The following ALPK1 variants were observed in gnomAD, a reference collection of about 807,000 sequenced individuals.
The protein encoded by ALPK1 is alpha kinase 1.
A neutral mutation model predicts 120.6 loss-of-function variants in ALPK1; 110 were observed. That is an observed-to-expected ratio of 0.91 (90% CI 0.78 to 1.07). ALPK1 has a LOEUF of 1.07. Ranked by LOEUF, ALPK1 falls within the 50% of genes least tolerant of loss-of-function variation. The pLI is 0.00. For missense variants in ALPK1, 1,498 were observed against 1,483.9 expected (o/e 1.01, Z -0.16); for synonymous variants, 582 against 560.3 (o/e 1.04, Z -0.55).
At chr4:112,329,275 G>A (rs1341994924) in intron 2 of ALPK1, among the ~76,000 whole-genome samples, 3 of 152,148 alleles carry the variant, frequency 2.0e-5, no homozygotes, top group Non-Finnish European at 4.4e-5. Flanking sequence ...CTAAACAATA[G>A]AAAAAGAGAA....
At chr4:112,336,018 C>A (rs1205356963) in intron 2 of ALPK1, among the ~76,000 whole-genome samples, 1 of 152,096 alleles carries the variant, frequency 6.6e-6, no homozygotes, top group African/African-American at 2.4e-5. Flanking sequence ...AACCAACCAA[C>A]CAACCAATCC....
At chr4:112,389,389 C>T (rs111866479) in intron 4 of ALPK1, among the ~76,000 whole-genome samples, 3,236 of 152,276 alleles carry the variant, frequency 0.021, 46 homozygotes, top group Admixed American at 0.032. Context: ...TGGTCACAGC[C>T]ATGGCCAGGG....
At chr4:112,417,858 T>C (rs1733810803) in intron 5 of ALPK1, among the ~76,000 whole-genome samples, 1 of 152,222 alleles carries the variant, frequency 6.6e-6, no homozygotes, top group South Asian at 2.1e-4. Flanking sequence ...AAGTATGTGT[T>C]CACCTAAATA....
chr4:112,369,140 A>G (rs1731286883), intron 2 of ALPK1, among the ~76,000 whole-genome samples: 1 of 152,174 alleles, frequency 6.6e-6, no homozygotes, highest in African/African-American at 2.4e-5. Flanking sequence ...GGAGTGTTAG[A>G]TAGTCTTCCT....
At chr4:112,332,100 G>T (rs1261773275) in intron 2 of ALPK1, among the ~76,000 whole-genome samples, 2 of 152,106 alleles carry the variant, frequency 1.3e-5, no homozygotes, top group African/African-American at 2.4e-5. Flanking sequence ...ATCCTGATTT[G>T]CCACAGTCAC....
chr4:112,401,581 A>G (rs956725605), intron 4 of ALPK1, among the ~76,000 whole-genome samples: 4 of 152,038 alleles, frequency 2.6e-5, no homozygotes, highest in African/African-American at 9.7e-5. Flanking sequence ...GGAATCATCA[A>G]TGTGGATGCT....
chr4:112,362,085 C>T (rs938181935), intron 2 of ALPK1, among the ~76,000 whole-genome samples: 1 of 152,216 alleles, frequency 6.6e-6, no homozygotes, highest in Non-Finnish European at 1.5e-5. Context: ...AGAACCTGAA[C>T]AGCAGATCTG....
chr4:112,402,944 A>T (rs955711022), intron 4 of ALPK1, among the ~76,000 whole-genome samples: 2 of 152,154 alleles, frequency 1.3e-5, no homozygotes, highest in African/African-American at 4.8e-5. Flanking sequence ...AAACAAAAAG[A>T]ATCCTGAATC....
At position 112,427,711 on chromosome 4, in the gene ALPK1, C is replaced by T. The variant is rs752240064; in HGVS notation, c.795+46C>T. On this transcript the variant is annotated intron_variant, in intron 9 of 15. Transcript: ENST00000650871. ...TGGCATCACCTGTAAAATTGTCAAT[C>T]GTGTCCTTGGTGGTTGGTTAGTGGC... 16 of 1,412,126 alleles carry T rather than the reference C, an allele frequency of 1.1e-5. No individual in the cohort carries two copies. The Admixed American group carries it at 1.7e-4, about 15-fold the overall frequency. The allele number at this position is 1,412,126 out of a possible 1,614,324, so 87.5% of individuals were successfully genotyped here. A position where few individuals can be genotyped will look rare whatever the true frequency, so the allele number is the denominator to read the frequency against.
chr4:112,313,928 A>C (rs1728526218), intron 1 of ALPK1, among the ~76,000 whole-genome samples: 1 of 152,230 alleles, frequency 6.6e-6, no homozygotes. Context: ...ATAACTACTG[A>C]TGAAAGTGAG....
At chr4:112,379,550 C>G (rs1477968509) in intron 3 of ALPK1, among the ~76,000 whole-genome samples, 1 of 152,262 alleles carries the variant, frequency 6.6e-6, no homozygotes, top group African/African-American at 2.4e-5. Flanking sequence ...GGATCCCTTC[C>G]CTCGGCAGGT....
chr4:112,344,953 CTACTTTTTCGTATT>C (rs1730041541), intron 2 of ALPK1, among the ~76,000 whole-genome samples: 1 of 152,230 alleles, frequency 6.6e-6, no homozygotes, highest in Non-Finnish European at 1.5e-5. Flanking sequence ...ACTCACCAGA[CTACTTTTTCGTATT>C]TAAAAAATGT....
At chr4:112,423,707 A>T (rs1275378694) in intron 5 of ALPK1, 1 of 650,318 alleles carries the variant, frequency 1.5e-6, no homozygotes, top group Non-Finnish European at 2.8e-6. Context: ...CATACATATG[A>T]ATCTAATTTT....
rs931701656 is a variant in ALPK1 at position 112,432,005 on chromosome 4, T to A, written c.2458T>A (p.Ser820Thr). 2.5e-6 allele frequency: 4 copies of A among 1,613,978 alleles called. No homozygotes were observed. In the African/African-American group the frequency reaches 5.3e-5, roughly 22 times the overall value. ...LGNISMLPCS[S>T]FTPNWPVQNP... Reference sequence around the variant, plus strand: ...AAACATTTCCATGCTGCCATGTAGCTCCTTCACCCCTAATTGGCCTGTTCA... The same window carrying A: ...AAACATTTCCATGCTGCCATGTAGCACCTTCACCCCTAATTGGCCTGTTCA... The change falls in exon 11 of 16, where the codon TCC (serine) becomes ACC (threonine). Residue 820 changes from serine to threonine, a missense_variant. Ser to Thr is a moderately conservative substitution (Grantham distance 58). Coordinates refer to ENST00000650871, the MANE Select transcript of ALPK1 (RefSeq NM_025144.4).
intron 2 of ALPK1, chr4:112,358,268 TG>T: frequency 1.7e-6 from 1 of 589,826 alleles, no homozygotes. Flanking sequence ...GCTGCCCTCC[TG>T]GGTGCGTCCC....
chr4:112,306,286 C>G (rs1343028148), intron 1 of ALPK1, among the ~76,000 whole-genome samples: 1 of 152,042 alleles, frequency 6.6e-6, no homozygotes, highest in East Asian at 1.9e-4. Context: ...GGAGGATTCC[C>G]TCTTTTTCTA....
chr4:112,435,191 G>A lies in ALPK1; in HGVS notation c.3078G>A (p.Thr1026=), dbSNP rs370834993. 103 of 1,610,434 alleles carry A rather than the reference G, an allele frequency of 6.4e-5. No individual in the cohort carries two copies. In the East Asian group the frequency reaches 8.3e-4, roughly 13 times the overall value. The change falls in exon 12 of 16, where the codon ACG becomes ACA. Residue 1026 remains threonine, a synonymous_variant. Transcript: ENST00000650871. ...LKYSKKSELW[T]AQETIVYLGD... is the part of the protein sequence containing the mutation. ...ATTCAAAAAAATCTGAACTGTGGACGGCCCAGGAAACTATTGTCTATTTGG... is the reference window on the plus strand; with the variant it reads ...ATTCAAAAAAATCTGAACTGTGGACAGCCCAGGAAACTATTGTCTATTTGG...
intron 2 of ALPK1, chr4:112,357,571 G>T: frequency 7.1e-7 from 1 of 1,412,980 alleles, no homozygotes. Context: ...ACTGGCCCCC[G>T]GGTCCTCCTT....
chr4:112,379,989 C>T (rs907447983), intron 3 of ALPK1, among the ~76,000 whole-genome samples: 8 of 152,144 alleles, frequency 5.3e-5, no homozygotes, highest in African/African-American at 1.9e-4. Context: ...ACTATTCACT[C>T]CAAAGTGTGA....
Sources: gnomAD v4.1 joint callset for allele counts (sites outside exome capture counted in the v4.1 genomes callset) on GRCh38, gnomAD v4.1.1 for gene constraint, MANE v1.5 for transcripts, NCBI Gene and HGNC (gene_info 2026-07-23, HGNC 2026-07-21) for gene names.